Variants in PCDHGA10 observed in about 807,000 individuals in gnomAD.
PCDHGA10 encodes the protein protocadherin gamma subfamily A, 10.
PCDHGA10 carries 42 observed loss-of-function variants against 59.5 expected under a neutral mutation model. That is an observed-to-expected ratio of 0.71 (90% CI 0.55 to 0.91). The LOEUF (loss-of-function observed/expected upper bound fraction) is 0.91. Ranked by LOEUF, PCDHGA10 falls within the 40% of genes least tolerant of loss-of-function variation. PCDHGA10 has a pLI of 0.00. For synonymous variants in PCDHGA10, 511 were observed against 517.2 expected, an observed-to-expected ratio of 0.99 and a Z score of 0.16; for missense variants, 1,111 against 1,198.2, an observed-to-expected ratio of 0.93 and a Z score of 1.07.
At chr5:141,425,392 A>G (rs2096872216) in intron 1 of PCDHGA10, among the ~76,000 whole-genome samples, 1 of 152,232 alleles carries the variant, frequency 6.6e-6, no homozygotes, top group African/African-American at 2.4e-5. Flanking sequence ...GGTAGTGATA[A>G]AGTTCTGTTA....
At chr5:141,480,703 C>T (rs577131684) in intron 1 of PCDHGA10, among the ~76,000 whole-genome samples, 10 of 152,252 alleles carry the variant, frequency 6.6e-5, no homozygotes, top group Admixed American at 1.3e-4. Flanking sequence ...GGCCACACCC[C>T]GACAAATGAA....
intron 1 of PCDHGA10, chr5:141,433,132 T>A (rs1168186406): frequency 6.2e-7 from 1 of 1,614,122 alleles, no homozygotes; most frequent in Non-Finnish European, 8.5e-7. Context: ...GCGAGCCCCT[T>A]TTGCTGTCAG....
intron 1 of PCDHGA10, chr5:141,478,743 A>G: frequency 6.5e-7 from 1 of 1,528,732 alleles, no homozygotes; most frequent in Non-Finnish European, 8.8e-7. Context: ...TTGTGGTCCC[A>G]TTTCAGGGGG....
chr5:141,503,260 C>A (rs2154593294), intron 2 of PCDHGA10, among the ~76,000 whole-genome samples: 1 of 152,178 alleles, frequency 6.6e-6, no homozygotes, highest in African/African-American at 2.4e-5. Flanking sequence ...ACAGCCACAA[C>A]CCCAGCACCT....
Position 141,486,253 on chromosome 5 carries a change from C to A in PCDHGA10, c.2437-8554C>A. The A allele has an allele frequency of 6.2e-7, 1 of 1,614,138 alleles. No individual in the cohort carries two copies. Among genetic ancestry groups the A allele is most frequent in the Non-Finnish European group, 8.5e-7 (1 of 1,180,006 alleles). On this transcript the variant is annotated intron_variant, in intron 1 of 3. Transcript: ENST00000398610. This position sits in a 1 kb window ranked among gnomAD's most constrained non-coding sequence, Gnocchi z 5.0. ...TGACCTCAGAGCTTGGAACCCTCCC[C>A]GAGAGTGCAGAACCTGGCACTGTGG...
chr5:141,423,802 C>A, intron 1 of PCDHGA10: 3 of 1,254,704 alleles, frequency 2.4e-6, no homozygotes, highest in South Asian at 2.9e-5. Context: ...TAGAGCAATA[C>A]ATGTGAGTTT....
intron 1 of PCDHGA10, chr5:141,417,622 G>T (rs1036510827): frequency 1.5e-6 from 1 of 668,534 alleles, no homozygotes; most frequent in Non-Finnish European, 2.4e-6. Flanking sequence ...TGCAGAGCAA[G>T]CGCTGACGCC....
chr5:141,426,646 T>C (rs764903298), intron 1 of PCDHGA10: 1 of 416,448 alleles, frequency 2.4e-6, no homozygotes, highest in South Asian at 1.7e-5. Flanking sequence ...ATAAATGTGA[T>C]GATAGAAGAT....
Position 141,415,475 on chromosome 5 carries a change from C to T in PCDHGA10, c.2300C>T (p.Ser767Leu). ...CACGAGGTCTCTCTCACCGCGGACT[C>T]GCGAAAGAGTCACCTGATCTTCCCC... ...YSHEVSLTADSRKSHLIFPQP... is the reference protein window; with the variant it reads ...YSHEVSLTADLRKSHLIFPQP... Residue 767 changes from serine (S) to leucine (L), a missense_variant, in exon 1 of 4, where the codon TCG (serine) becomes TTG (leucine). Coordinates refer to ENST00000398610, the MANE Select transcript of PCDHGA10 (RefSeq NM_018913.3). The T allele has an allele frequency of 6.2e-7, 1 of 1,614,162 alleles. No homozygotes were observed. The highest frequency in any genetic ancestry group is 8.5e-7 in the Non-Finnish European group (1 of 1,180,036).
chr5:141,427,435 T>G, intron 1 of PCDHGA10: 1 of 474,160 alleles, frequency 2.1e-6, no homozygotes, highest in Non-Finnish European at 4.2e-6. Context: ...ACATGCCTCA[T>G]AAACGAAAGA....
rs184835272 is a variant in PCDHGA10, at chr5:141,470,234, C to A, written c.2437-24573C>A. ...AACCATTCAGCTTCTTCACCAAACC[C>A]TTGAATGTCCCACCTGTCTAAATGG... On this transcript the variant is annotated intron_variant, in intron 1 of 3. Transcript: ENST00000398610. Among the ~76,000 whole-genome samples, 6 of 152,288 alleles carry A rather than the reference C, an allele frequency of 3.9e-5. No individual in the cohort carries two copies. The East Asian group carries it at 9.6e-4, about 24-fold the overall frequency.
In PCDHGA10 at chr5:141,486,610, C is replaced by G; in HGVS notation, c.2437-8197C>G. 6.2e-7 allele frequency: 1 copy of G among 1,613,620 alleles called. No homozygotes were observed. The highest frequency in any genetic ancestry group is 8.5e-7 in the Non-Finnish European group (1 of 1,180,038). On this transcript the variant is annotated intron_variant, in intron 1 of 3. Coordinates refer to ENST00000398610, the MANE Select transcript of PCDHGA10 (RefSeq NM_018913.3). This position sits in a 1 kb window ranked among gnomAD's most constrained non-coding sequence, Gnocchi z 5.0. ...GGGACCTGCTTTGCTCCCTTGCAGC[C>G]TCTGACCCAGACTCTGGCTTGAATG...
At chr5:141,437,264 A>G (rs2097872616) in intron 1 of PCDHGA10, among the ~76,000 whole-genome samples, 2 of 152,228 alleles carry the variant, frequency 1.3e-5, no homozygotes, top group South Asian at 2.1e-4. Context: ...TTTTATGTGT[A>G]TGACAGATGT....
At chr5:141,450,080 C>G (rs140080701) in intron 1 of PCDHGA10, among the ~76,000 whole-genome samples, 6,313 of 144,358 alleles carry the variant, frequency 0.044, 398 homozygotes, top group Admixed American at 0.19. Context: ...GATCTTGGCT[C>G]ACTGCAACCT....
intron 1 of PCDHGA10, among the ~76,000 whole-genome samples, chr5:141,454,120 T>C (rs956675583): frequency 6.6e-5 from 10 of 152,228 alleles, no homozygotes; most frequent in African/African-American, 2.4e-4. Context: ...ATAGAAGAAA[T>C]AGCTGACCAT....
chr5:141,489,284 T>A lies in PCDHGA10; in HGVS notation c.2437-5523T>A. On this transcript the variant is annotated intron_variant, in intron 1 of 3. Transcript: ENST00000398610. This position sits in a 1 kb window ranked among gnomAD's most constrained non-coding sequence, Gnocchi z 4.5. ...CCACAGCTCGCTGGGAAATGGCAAG[T>A]GCTGTGCATGTTGTCCTTGTGCTGC... The A allele has an allele frequency of 6.4e-7, 1 of 1,570,016 alleles. No homozygotes were observed. The highest frequency in any genetic ancestry group is 2.2e-5 in the East Asian group (1 of 44,588).
At position 141,491,583 on chromosome 5, in the gene PCDHGA10, C is replaced by T; in HGVS notation, c.2437-3224C>T. On this transcript the variant is annotated intron_variant, in intron 1 of 3. Transcript: ENST00000398610. The surrounding 1 kb of genome is among the most constrained non-coding windows in gnomAD (Gnocchi z 6.9). ...GCTACAGGACGTGCTTTTCACCGGC[C>T]TCGGACGGCAGTGACTTCACTTTTC... 1 of 1,613,964 alleles carries T rather than the reference C, an allele frequency of 6.2e-7. No individual in the cohort carries two copies. Among genetic ancestry groups the T allele is most frequent in the African/African-American group, 1.3e-5 (1 of 75,032 alleles).
chr5:141,494,745 G>C, intron 1 of PCDHGA10, 62 bp from the exon 2 acceptor site: 1 of 1,612,802 alleles, frequency 6.2e-7, no homozygotes, highest in Middle Eastern at 1.7e-4. Flanking sequence ...ATCCCTAGGG[G>C]CTCGGGTGAC....
chr5:141,477,932 C>G lies in PCDHGA10; in HGVS notation c.2437-16875C>G, dbSNP rs1193822505. The G allele has an allele frequency of 3.1e-6, 5 of 1,614,040 alleles. No individual in the cohort carries two copies. The highest frequency in any genetic ancestry group is 4.2e-6 in the Non-Finnish European group (5 of 1,180,042). On this transcript the variant is annotated intron_variant, in intron 1 of 3. Transcript: ENST00000398610. This position sits in a 1 kb window ranked among gnomAD's most constrained non-coding sequence, Gnocchi z 4.9. ...CGCGGATGCAGGGCACAATGCCTGG[C>G]TCTCCTACAGTCTCTTGGGATCCCC... is the stretch of plus-strand genomic sequence containing the variant.
Sources: allele counts gnomAD v4.1 joint callset (sites outside exome capture counted in the v4.1 genomes callset), GRCh38; gene constraint gnomAD v4.1.1; non-coding constraint Gnocchi (gnomAD v3.1); transcripts MANE v1.5; gene names NCBI Gene and HGNC (gene_info 2026-07-23, HGNC 2026-07-21).